The following ERN1 variants were observed in gnomAD, a reference collection of about 807,000 sequenced individuals.
The protein encoded by ERN1 is serine/threonine-protein kinase/endoribonuclease IRE1.
A neutral mutation model predicts 113.1 loss-of-function variants in ERN1; 39 were observed. The observed-to-expected ratio is 0.34, with a 90% CI of 0.27 to 0.45. The LOEUF is 0.45. Ranked by LOEUF, ERN1 falls within the 20% of genes least tolerant of loss-of-function variation. The pLI, the probability that ERN1 is intolerant of heterozygous loss-of-function variation, is 1.00. For missense variants in ERN1, 976 were observed against 1,274.8 expected (o/e 0.77, Z 3.57); for synonymous variants, 507 against 515.9 (o/e 0.98, Z 0.23).
intron 19 of ERN1, among the ~76,000 whole-genome samples, chr17:64,047,371 A>T (rs1912545199): frequency 6.6e-6 from 1 of 152,220 alleles, no homozygotes; most frequent in Non-Finnish European, 1.5e-5. Flanking sequence ...CAAAAAAAAT[A>T]AAAATAAATA....
rs1046756587 is a variant in ERN1, at chr17:64,045,037, G to A, written c.2654-110C>T. The A allele has an allele frequency of 3.5e-5, 29 of 832,042 alleles. No homozygotes were observed. In the African/African-American group the frequency reaches 4.6e-4, roughly 13 times the overall value. The allele number at this position is 832,042 out of a possible 1,614,324, so 51.5% of individuals were successfully genotyped here. On this transcript the variant is annotated intron_variant, in intron 20 of 21. Coordinates refer to ENST00000433197, the MANE Select transcript of ERN1 (RefSeq NM_001433.5). ...TTAGGGAGTTGGACTGAAAGGTGAG[G>A]TCACTCCACACCTAGGCATGGGAGC... is the stretch of plus-strand genomic sequence containing the variant.
chr17:64,097,784 C>A, intron 2 of ERN1: 1 of 210,506 alleles, frequency 4.8e-6, no homozygotes. Flanking sequence ...TTACAAGATT[C>A]TAATCATGAG....
Position 64,054,931 on chromosome 17 carries a change from G to T in ERN1, c.1673-103C>A. The T allele has an allele frequency of 1.1e-6, 1 of 904,480 alleles. No individual in the cohort carries two copies. Among genetic ancestry groups the T allele is most frequent in the Non-Finnish European group, 1.7e-6 (1 of 591,260 alleles). The allele number at this position is 904,480 out of a possible 1,614,324, so 56.0% of individuals were successfully genotyped here. On this transcript the variant is annotated intron_variant, in intron 13 of 21. Transcript: ENST00000433197. The surrounding 1 kb of genome is among the most constrained non-coding windows in gnomAD (Gnocchi z 4.9). ...TTCCTGACCTCAGATTAAAAGATGG[G>T]ATTTAAGAGGCACTGCACCCCAGAC...
At position 64,072,130 on chromosome 17, in the gene ERN1, G is replaced by A. The variant is rs748227030; in HGVS notation, c.356-27C>T. ...TGAAAGGACACAAAAACACATCGTCGTTTACACCATATGGAAAAAAGTATC... is the reference window on the plus strand; with the variant it reads ...TGAAAGGACACAAAAACACATCGTCATTTACACCATATGGAAAAAAGTATC... On this transcript the variant is annotated intron_variant, in intron 5 of 21. Transcript: ENST00000433197. 1.6e-5 allele frequency: 26 copies of A among 1,610,932 alleles called. No individual in the cohort carries two copies. In the East Asian group the frequency reaches 1.8e-4, roughly 11 times the overall value.
intron 1 of ERN1, among the ~76,000 whole-genome samples, chr17:64,118,840 C>T (rs1328495340): frequency 1.3e-5 from 2 of 152,182 alleles, no homozygotes; most frequent in Admixed American, 1.3e-4. Flanking sequence ...ATAGCCAGCT[C>T]TCACATGAAA....
In ERN1 at chr17:64,049,205, GA is replaced by G; in HGVS notation, c.2254-4del. On this transcript the variant is annotated splice_polypyrimidine_tract_variant and splice_region_variant and intron_variant, in intron 17 of 21. Coordinates refer to ENST00000433197, the MANE Select transcript of ERN1 (RefSeq NM_001433.5). This position sits in a 1 kb window ranked among gnomAD's most constrained non-coding sequence, Gnocchi z 4.7. ...GAAAAGATGTCCACCGTGTAGGTCTGAAAAGAGACATGAGGCGTGAGAGGTC... is the reference window on the plus strand; with the variant it reads ...GAAAAGATGTCCACCGTGTAGGTCTGAAAGAGACATGAGGCGTGAGAGGTC... 6.3e-7 allele frequency: 1 copy of G among 1,575,524 alleles called. No individual in the cohort carries two copies. The highest frequency in any genetic ancestry group is 8.7e-7 in the Non-Finnish European group (1 of 1,151,458).
chr17:64,058,481 T>C (rs9904640), intron 11 of ERN1, among the ~76,000 whole-genome samples: 5,438 of 152,296 alleles, frequency 0.036, 322 homozygotes, highest in African/African-American at 0.12. Flanking sequence ...GCCTGTAAAC[T>C]GTCAGTGCAA....
At chr17:64,068,510 C>T (rs1468759068) in intron 6 of ERN1, among the ~76,000 whole-genome samples, 1 of 152,174 alleles carries the variant, frequency 6.6e-6, no homozygotes, top group African/African-American at 2.4e-5. Context: ...GACGACCCAC[C>T]CTCGCTATGC....
chr17:64,075,232 T>C lies in ERN1; in HGVS notation c.298A>G (p.Ile100Val). The C allele has an allele frequency of 6.8e-7, 1 of 1,464,612 alleles. No individual in the cohort carries two copies. Among genetic ancestry groups the C allele is most frequent in the Non-Finnish European group, 9.0e-7 (1 of 1,115,940 alleles). 90.7% of individuals were successfully genotyped at this position (1,464,612 alleles called of 1,614,324 possible). A position where few individuals can be genotyped will look rare whatever the true frequency, so the allele number is the denominator to read the frequency against. The change falls in exon 5 of 22, where the codon ATC becomes GTC. Residue 100 changes from isoleucine to valine, a missense_variant. Physicochemically the swap from Ile to Val is conservative, Grantham distance 29. Around this residue, in one of 5 missense-constraint regions of ERN1, gnomAD observed 459 missense variants for 581.2 expected, o/e 0.79. Transcript: ENST00000433197. The part of the protein sequence containing the change: ...NEGLTKLPFT[I>V]PELVQASPCR... ...GGGGATGCCTGCACCAATTCTGGGA[T>C]GGTAAAAGGAAGTTTCTTTAAAAAA...
intron 1 of ERN1, among the ~76,000 whole-genome samples, chr17:64,101,451 C>T (rs139716777): frequency 1.3e-5 from 2 of 152,152 alleles, no homozygotes; most frequent in African/African-American, 4.8e-5. Flanking sequence ...AAAATTATAG[C>T]AATATTTCTT....
At chr17:64,060,701 C>T (rs1913028068) in intron 10 of ERN1, 114 bp from the exon 11 acceptor site, 1 of 708,472 alleles carries the variant, frequency 1.4e-6, no homozygotes. Flanking sequence ...TGCAAACTCT[C>T]AGCAGGACTG....
At chr17:64,083,775 C>T (rs1474673497) in intron 2 of ERN1, among the ~76,000 whole-genome samples, 1 of 152,154 alleles carries the variant, frequency 6.6e-6, no homozygotes, top group African/African-American at 2.4e-5. Flanking sequence ...TGGAATGGCA[C>T]AAGTTTTACA....
At chr17:64,088,880 AG>A (rs966818028) in intron 2 of ERN1, among the ~76,000 whole-genome samples, 1 of 152,202 alleles carries the variant, frequency 6.6e-6, no homozygotes, top group African/African-American at 2.4e-5. Flanking sequence ...CAGAGGACGC[AG>A]GCTCAGTAAG....
chr17:64,127,044 G>C (rs1398515019), intron 1 of ERN1, among the ~76,000 whole-genome samples: 2 of 152,020 alleles, frequency 1.3e-5, no homozygotes, highest in Non-Finnish European at 2.9e-5. Context: ...CCAACTCTAG[G>C]AGCAAGATAT....
intron 3 of ERN1, among the ~76,000 whole-genome samples, chr17:64,080,206 ACT>A (rs574224171): frequency 4.5e-4 from 69 of 152,248 alleles, no homozygotes; most frequent in African/African-American, 1.6e-3. Context: ...ATAAAAGCAG[ACT>A]CTAACAGCTT....
At chr17:64,046,133 TG>T (rs1912506800) in intron 19 of ERN1, among the ~76,000 whole-genome samples, 1 of 152,050 alleles carries the variant, frequency 6.6e-6, no homozygotes, top group Non-Finnish European at 1.5e-5. Flanking sequence ...ACACAGGGAG[TG>T]GTGAGCCCTG....
intron 2 of ERN1, among the ~76,000 whole-genome samples, chr17:64,097,549 T>C (rs768844539): frequency 2.0e-5 from 3 of 152,208 alleles, no homozygotes; most frequent in Non-Finnish European, 2.9e-5. Context: ...TTCCCAGCTG[T>C]AGGGCTTGAC....
In ERN1 at chr17:64,115,529, C is replaced by G. The variant is rs2143491818; in HGVS notation, c.54+14447G>C. Among the ~76,000 whole-genome samples the G allele has an allele frequency of 2.0e-5, 3 of 152,336 alleles. No individual in the cohort carries two copies. The South Asian group carries it at 6.2e-4, about 32-fold the overall frequency. ...GCTGACTTGGCAGCATATCCAGGTC[C>G]TGCCCAGAGCAGTTCCAAGAGTCTG... On this transcript the variant is annotated intron_variant, in intron 1 of 21. Coordinates refer to ENST00000433197, the MANE Select transcript of ERN1 (RefSeq NM_001433.5).
intron 8 of ERN1, 93 bp from the exon 9 acceptor site, chr17:64,065,380 G>A: frequency 1.1e-6 from 1 of 890,036 alleles, no homozygotes. Flanking sequence ...CACCCGCAGG[G>A]ATGACCACAT....
Sources: allele counts gnomAD v4.1 joint callset (sites outside exome capture counted in the v4.1 genomes callset), GRCh38; gene constraint gnomAD v4.1.1; regional missense constraint gnomAD v4.1.1; non-coding constraint Gnocchi (gnomAD v3.1); transcripts MANE v1.5; gene names NCBI Gene and HGNC (gene_info 2026-07-23, HGNC 2026-07-21).